Variants in SYNE2 observed in about 807,000 individuals in gnomAD.
The protein encoded by SYNE2 is spectrin repeat containing nuclear envelope protein 2.
SYNE2 carries 431 observed loss-of-function variants against 856.3 expected under a neutral mutation model. That is an observed-to-expected ratio of 0.50 (90% confidence interval 0.47 to 0.55). The LOEUF (loss-of-function observed/expected upper bound fraction) is 0.55. SYNE2 is among the 20% of genes least tolerant of loss of function. SYNE2 has a pLI of 0.00. For missense variants in SYNE2, 8,129 were observed against 8,023.2 expected, an observed-to-expected ratio of 1.01 and a Z score of -0.50; for synonymous variants, 2,923 against 2,872.3, an observed-to-expected ratio of 1.02 and a Z score of -0.56.
At position 64,056,004 on chromosome 14, in the gene SYNE2, G is replaced by T; in HGVS notation, c.9805G>T (p.Val3269Leu). Residue 3269 changes from valine (V) to leucine (L), a missense_variant, in exon 49 of 116, where the codon GTG becomes TTG. Transcript: ENST00000555002. ...TRYKEAVTRA[V>L]ESITSLEAII... ...CTATAAAGAAGCAGTCACCAGGGCA[G>T]TGGAGAGCATCACTTCCCTCGAAGC... 1 of 1,614,104 alleles carries T rather than the reference G, an allele frequency of 6.2e-7. No individual in the cohort carries two copies. Among genetic ancestry groups the T allele is most frequent in the Non-Finnish European group, 8.5e-7 (1 of 1,179,958 alleles).
chr14:63,930,755 C>G (rs1297473472), intron 2 of SYNE2, among the ~76,000 whole-genome samples: 1 of 152,114 alleles, frequency 6.6e-6, no homozygotes, highest in Admixed American at 6.5e-5. Flanking sequence ...AGGCTGGTCT[C>G]AAACTCCTGA....
intron 1 of SYNE2, among the ~76,000 whole-genome samples, chr14:63,871,667 TG>T (rs1896887992): frequency 1.3e-5 from 2 of 151,680 alleles, no homozygotes; most frequent in Admixed American, 6.6e-5. Context: ...CTAACTTTTA[TG>T]TTTTTTGTAG....
At chr14:63,814,798 CCAT>C (rs1888819339) in intron 1 of SYNE2, among the ~76,000 whole-genome samples, 4 of 81,690 alleles carry the variant, frequency 4.9e-5, no homozygotes, top group Admixed American at 1.4e-4. Context: ...CCATATATAT[CCAT>C]ATATATCCAT....
At chr14:64,076,575 C>T (rs1401070877) in intron 54 of SYNE2, among the ~76,000 whole-genome samples, 1 of 152,002 alleles carries the variant, frequency 6.6e-6, no homozygotes, top group Non-Finnish European at 1.5e-5. Context: ...ATGAAAAGTA[C>T]CTGAGCAAAT....
At chr14:64,028,999 G>T (rs1253985116) in intron 43 of SYNE2, among the ~76,000 whole-genome samples, 3 of 152,154 alleles carry the variant, frequency 2.0e-5, no homozygotes, top group Admixed American at 6.5e-5. Flanking sequence ...AGCCGGGCAT[G>T]GTGGCACGCG....
chr14:64,107,453 C>A, intron 64 of SYNE2, 38 bp from the exon 65 acceptor site: 1 of 1,553,310 alleles, frequency 6.4e-7, no homozygotes, highest in Non-Finnish European at 8.9e-7. Context: ...GGCACCAGGG[C>A]AGGACCCTTT....
At chr14:64,112,697 T>C (rs2097820668) in intron 65 of SYNE2, among the ~76,000 whole-genome samples, 1 of 152,240 alleles carries the variant, frequency 6.6e-6, no homozygotes, top group South Asian at 2.1e-4. Flanking sequence ...GAAGGTATTT[T>C]AGGGATTCCT....
At chr14:63,942,380 G>T (rs775343300) in intron 6 of SYNE2, among the ~76,000 whole-genome samples, 1 of 152,144 alleles carries the variant, frequency 6.6e-6, no homozygotes, top group Non-Finnish European at 1.5e-5. Flanking sequence ...GTGCCGTGGC[G>T]CAGTCTTAAC....
At chr14:64,221,346 A>G (rs1359936600) in intron 111 of SYNE2, among the ~76,000 whole-genome samples, 1 of 152,140 alleles carries the variant, frequency 6.6e-6, no homozygotes, top group African/African-American at 2.4e-5. Flanking sequence ...CCCTACCTTC[A>G]TAGTGGCACT....
At chr14:64,083,049 A>G (rs2097535844) in intron 57 of SYNE2, among the ~76,000 whole-genome samples, 1 of 152,170 alleles carries the variant, frequency 6.6e-6, no homozygotes, top group Non-Finnish European at 1.5e-5. Flanking sequence ...AACAGTGTTT[A>G]CAGAATCAGA....
chr14:63,997,026 C>T lies in SYNE2; in HGVS notation c.3020C>T (p.Pro1007Leu), dbSNP rs1288671828. The T allele has an allele frequency of 1.2e-6, 2 of 1,613,956 alleles. No individual in the cohort carries two copies. The highest frequency in any genetic ancestry group is 2.2e-5 in the South Asian group (2 of 91,076). ...EVLRELCEEL[P>L]SQKSQQEVKR... ...CTGAGGGAGCTGTGTGAAGAGCTGC[C>T]TTCACAGAAGAGTCAACAAGAAGTG... The change falls in exon 24 of 116, where the codon CCT (proline) becomes CTT (leucine). Residue 1007 changes from proline (P) to leucine (L), a missense_variant. By Grantham distance (98) the Pro-to-Leu change is moderately conservative. Around this residue, in one of 3 missense-constraint regions of SYNE2, gnomAD observed 2,422 missense variants for 2,357.4 expected, o/e 1.03. Transcript: ENST00000555002.
chr14:63,767,100 ATTTTTTTTATCTTTTT>A (rs1294982693), intron 1 of SYNE2, among the ~76,000 whole-genome samples: 5 of 148,460 alleles, frequency 3.4e-5, no homozygotes, highest in African/African-American at 1.0e-4. Context: ...ACAATCTTTT[ATTTTTTTTATCTTTTT>A]TTTTTTTTGA....
At position 64,130,101 on chromosome 14, in the gene SYNE2, C is replaced by T; in HGVS notation, c.14193C>T (p.Ser4731=). ...GMLRARYTEL[S]SPFVTESQQD... Reference sequence around the variant, plus strand: ...TAAGAGCCAGGTACACAGAACTCAGCAGCCCTTTCGTCACTGAGAGCCAGC... The same window carrying T: ...TAAGAGCCAGGTACACAGAACTCAGTAGCCCTTTCGTCACTGAGAGCCAGC... Residue 4731 remains serine (S), a synonymous_variant, in exon 76 of 116, where the codon AGC becomes AGT. Coordinates refer to ENST00000555002, the MANE Select transcript of SYNE2 (RefSeq NM_182914.3). 1.9e-6 allele frequency: 3 copies of T among 1,614,206 alleles called. No individual in the cohort carries two copies. Among genetic ancestry groups the T allele is most frequent in the Non-Finnish European group, 2.5e-6 (3 of 1,180,042 alleles).
At chr14:63,973,416 G>A (rs911638935) in intron 11 of SYNE2, among the ~76,000 whole-genome samples, 12 of 151,998 alleles carry the variant, frequency 7.9e-5, no homozygotes, top group Non-Finnish European at 1.5e-4. Flanking sequence ...CGGATCACCT[G>A]AGGTCAGGAG....
intron 71 of SYNE2, among the ~76,000 whole-genome samples, chr14:64,125,961 G>T (rs376184949): frequency 6.6e-6 from 1 of 152,016 alleles, no homozygotes; most frequent in Non-Finnish European, 1.5e-5. Flanking sequence ...TTCATTAACC[G>T]CTTTCTCCTA....
chr14:63,956,574 C>T, intron 8 of SYNE2: 1 of 401,466 alleles, frequency 2.5e-6, no homozygotes, highest in Non-Finnish European at 4.9e-6. Flanking sequence ...AGATAATTCA[C>T]ATACCATATG....
chr14:64,102,723 A>T (rs922085716), intron 64 of SYNE2, among the ~76,000 whole-genome samples: 2 of 152,012 alleles, frequency 1.3e-5, no homozygotes, highest in African/African-American at 4.8e-5. Flanking sequence ...TATAATTGCC[A>T]TGTTATACAT....
chr14:64,035,388 G>A (rs2097079018), intron 45 of SYNE2, among the ~76,000 whole-genome samples: 1 of 152,002 alleles, frequency 6.6e-6, no homozygotes, highest in African/African-American at 2.4e-5. Context: ...CACATAGTTG[G>A]GCCATGTGTC....
chr14:64,137,253 G>T (rs983169678), intron 78 of SYNE2, among the ~76,000 whole-genome samples: 2 of 152,174 alleles, frequency 1.3e-5, no homozygotes, highest in Non-Finnish European at 2.9e-5. Flanking sequence ...AGGCTGGAGT[G>T]CAGTGGCACA....
Sources: gnomAD v4.1 joint callset for allele counts (sites outside exome capture counted in the v4.1 genomes callset) on GRCh38, gnomAD v4.1.1 for gene constraint, gnomAD v4.1.1 regional missense constraint, MANE v1.5 for transcripts, NCBI Gene and HGNC (gene_info 2026-07-23, HGNC 2026-07-21) for gene names.